The following SOCS5 variants were observed in gnomAD, a reference collection of about 807,000 sequenced individuals.
The protein encoded by SOCS5 is suppressor of cytokine signaling 5.
Under a neutral mutation model 42.8 loss-of-function variants are expected in SOCS5, and 32 were observed. The ratio of observed to expected loss-of-function variants is 0.75; its 90% CI spans 0.56 to 1.01. The LOEUF (loss-of-function observed/expected upper bound fraction) is 1.01. SOCS5 is among the 50% of genes least tolerant of loss of function. SOCS5 has a pLI of 0.00. For synonymous variants in SOCS5, 283 were observed against 229.6 expected, an observed-to-expected ratio of 1.23 and a Z score of -2.10; for missense variants, 627 against 653.0, an observed-to-expected ratio of 0.96 and a Z score of 0.43.
intron 1 of SOCS5, among the ~76,000 whole-genome samples, chr2:46,750,522 A>G (rs991622357): frequency 2.6e-5 from 4 of 152,164 alleles, no homozygotes; most frequent in African/African-American, 9.7e-5. Flanking sequence ...ACAAGAACTT[A>G]TTAAACTCCA....
intron 1 of SOCS5, among the ~76,000 whole-genome samples, chr2:46,753,634 A>G (rs899922187): frequency 6.6e-6 from 1 of 152,198 alleles, no homozygotes; most frequent in African/African-American, 2.4e-5. Context: ...AAGAAAGCAC[A>G]GGAATAAAAT....
chr2:46,706,945 A>G (rs1672506650), intron 1 of SOCS5, among the ~76,000 whole-genome samples: 1 of 152,226 alleles, frequency 6.6e-6, no homozygotes, highest in African/African-American at 2.4e-5. Flanking sequence ...GGAATCTCAG[A>G]GTGAGATTAT....
intron 1 of SOCS5, among the ~76,000 whole-genome samples, chr2:46,728,298 A>G (rs909852426): frequency 3.3e-5 from 5 of 152,196 alleles, no homozygotes; most frequent in East Asian, 1.9e-4. Flanking sequence ...TTTTATAGCT[A>G]TATTCAGTAG....
At chr2:46,736,102 G>A (rs1031946192) in intron 1 of SOCS5, among the ~76,000 whole-genome samples, 2 of 151,014 alleles carry the variant, frequency 1.3e-5, no homozygotes, top group Non-Finnish European at 2.9e-5. Context: ...GTGCGGTGGT[G>A]CCATCATAGC....
At chr2:46,716,553 C>T (rs1003351810) in intron 1 of SOCS5, among the ~76,000 whole-genome samples, 1 of 152,034 alleles carries the variant, frequency 6.6e-6, no homozygotes, top group African/African-American at 2.4e-5. Context: ...ACATGGCGCA[C>T]TGCAGCCTTG....
chr2:46,758,106 T>A (rs41320649), intron 1 of SOCS5, among the ~76,000 whole-genome samples: 187 of 152,370 alleles, frequency 1.2e-3, no homozygotes, highest in African/African-American at 4.3e-3. Flanking sequence ...TTTTAATGTG[T>A]TACACAAATG....
intron 1 of SOCS5, among the ~76,000 whole-genome samples, chr2:46,707,816 G>A (rs536047095): frequency 3.3e-5 from 5 of 152,270 alleles, no homozygotes; most frequent in African/African-American, 9.6e-5. Context: ...ATCCTAAGTT[G>A]AAAATATCAT....
At chr2:46,750,353 T>C (rs1673596458) in intron 1 of SOCS5, among the ~76,000 whole-genome samples, 1 of 152,142 alleles carries the variant, frequency 6.6e-6, no homozygotes, top group Non-Finnish European at 1.5e-5. Flanking sequence ...ATTAAATACT[T>C]ACTTTTTTTT....
At chr2:46,743,391 C>T (rs1395013656) in intron 1 of SOCS5, among the ~76,000 whole-genome samples, 1 of 152,138 alleles carries the variant, frequency 6.6e-6, no homozygotes, top group Non-Finnish European at 1.5e-5. Flanking sequence ...GTGGATTATT[C>T]ATGCCTCCCT....
At position 46,759,488 on chromosome 2, in the gene SOCS5, G is replaced by C; in HGVS notation, c.958G>C (p.Ala320Pro). The C allele has an allele frequency of 1.2e-6, 2 of 1,614,012 alleles. No individual in the cohort carries two copies. The highest frequency in any genetic ancestry group is 1.7e-6 in the Non-Finnish European group (2 of 1,179,876). The change falls in exon 2 of 2, where the codon GCT becomes CCT. Residue 320 changes from alanine (A) to proline (P), a missense_variant. Physicochemically the swap from Ala to Pro is conservative, Grantham distance 27. Coordinates refer to ENST00000394861, the MANE Select transcript of SOCS5 (RefSeq NM_144949.3). ...TGGGGACAGTTCTGCAATTCCACAA[G>C]CTAATTGTGACTCGGAAGAGGATAC... The part of the protein sequence containing the change: ...ISGDSSAIPQ[A>P]NCDSEEDTTT...
At chr2:46,735,575 C>A (rs1325997896) in intron 1 of SOCS5, among the ~76,000 whole-genome samples, 1 of 151,872 alleles carries the variant, frequency 6.6e-6, no homozygotes, top group Non-Finnish European at 1.5e-5. Flanking sequence ...TTGTCATTTG[C>A]CTTCTCTGCT....
chr2:46,757,129 G>A (rs1408695286), intron 1 of SOCS5, among the ~76,000 whole-genome samples: 1 of 152,166 alleles, frequency 6.6e-6, no homozygotes, highest in Admixed American at 6.5e-5. Flanking sequence ...AGCCTTTTCT[G>A]TGAGAAACTA....
chr2:46,706,355 G>A (rs1035162572), intron 1 of SOCS5, among the ~76,000 whole-genome samples: 30 of 152,210 alleles, frequency 2.0e-4, no homozygotes, highest in African/African-American at 6.3e-4. Context: ...AGGATATTAG[G>A]AGGCAGCACT....
chr2:46,719,525 CCCACTTCCTTGCAGGTGTGGATGT>C (rs1472482665), intron 1 of SOCS5, among the ~76,000 whole-genome samples: 6 of 152,122 alleles, frequency 3.9e-5, no homozygotes, highest in African/African-American at 1.4e-4. Flanking sequence ...AGTGTTCCTG[CCCACTTCCTTGCAGGTGTGGATGT>C]CCTTATGTTA....
chr2:46,745,739 C>G (rs901780464), intron 1 of SOCS5, among the ~76,000 whole-genome samples: 1 of 152,164 alleles, frequency 6.6e-6, no homozygotes, highest in South Asian at 2.1e-4. Flanking sequence ...CCATGAAAGA[C>G]TCTGCACAAA....
intron 1 of SOCS5, among the ~76,000 whole-genome samples, chr2:46,743,933 AAAG>A (rs1170481993): frequency 1.3e-5 from 2 of 152,122 alleles, no homozygotes; most frequent in East Asian, 1.9e-4. Flanking sequence ...CAGTAAAGTC[AAAG>A]AAGAATTTTT....
At chr2:46,749,132 G>A (rs1673570041) in intron 1 of SOCS5, among the ~76,000 whole-genome samples, 1 of 152,222 alleles carries the variant, frequency 6.6e-6, no homozygotes, top group Non-Finnish European at 1.5e-5. Flanking sequence ...TTATAATGCT[G>A]AGTAAAATGT....
intron 1 of SOCS5, among the ~76,000 whole-genome samples, chr2:46,700,133 G>T (rs1672308448): frequency 6.6e-6 from 1 of 152,140 alleles, no homozygotes; most frequent in African/African-American, 2.4e-5. Flanking sequence ...GATTTTTGTG[G>T]AGAGGGAATT....
rs188472390 is a variant in SOCS5 at position 46,711,953 on chromosome 2, A to G, written c.-13+12504A>G. On this transcript the variant is annotated intron_variant, in intron 1 of 1. Coordinates refer to ENST00000394861, the MANE Select transcript of SOCS5 (RefSeq NM_144949.3). Reference sequence around the variant, plus strand: ...TTCATCTGTTTGTCTTTCTGCCACTATGACACTGTCTTGATTTACCATAGC... The same window carrying G: ...TTCATCTGTTTGTCTTTCTGCCACTGTGACACTGTCTTGATTTACCATAGC... Among the ~76,000 whole-genome samples, 437 of 152,308 alleles carry G rather than the reference A, an allele frequency of 2.9e-3. 2 individuals are homozygous for G. Among genetic ancestry groups the G allele is most frequent in the African/African-American group, 9.9e-3 (410 of 41,568 alleles).
Sources: allele counts gnomAD v4.1 joint callset (sites outside exome capture counted in the v4.1 genomes callset), GRCh38; gene constraint gnomAD v4.1.1; transcripts MANE v1.5; gene names NCBI Gene and HGNC (gene_info 2026-07-23, HGNC 2026-07-21).